The following CFAP57 variants were observed in gnomAD, a reference collection of about 807,000 sequenced individuals.
CFAP57 encodes the protein cilia- and flagella-associated protein 57.
Under a neutral mutation model 146.8 loss-of-function variants are expected in CFAP57, and 116 were observed. That is an observed-to-expected ratio of 0.79 (90% CI 0.68 to 0.92). CFAP57 has a LOEUF of 0.92. CFAP57 is among the 40% of genes least tolerant of loss of function. CFAP57 has a pLI of 0.00. For missense variants in CFAP57, 1,377 were observed against 1,527.2 expected, an observed-to-expected ratio of 0.90 and a Z score of 1.64; for synonymous variants, 518 against 552.8, an observed-to-expected ratio of 0.94 and a Z score of 0.88.
At chr1:43,189,376 A>G (rs1267051664) in intron 6 of CFAP57, among the ~76,000 whole-genome samples, 3 of 152,338 alleles carry the variant, frequency 2.0e-5, no homozygotes, top group Non-Finnish European at 2.9e-5. Context: ...ATTCTTGAGC[A>G]TGAGATATTT....
intron 2 of CFAP57, among the ~76,000 whole-genome samples, chr1:43,174,277 C>T (rs1645086939): frequency 6.6e-6 from 1 of 152,064 alleles, no homozygotes; most frequent in African/African-American, 2.4e-5. Flanking sequence ...TTAATAAAGT[C>T]AAATTTATCA....
intron 6 of CFAP57, among the ~76,000 whole-genome samples, chr1:43,189,745 T>C (rs374619267): frequency 6.8e-4 from 103 of 152,308 alleles, no homozygotes; most frequent in African/African-American, 2.4e-3. Context: ...GGAAGCATGG[T>C]GCTGGCATCT....
intron 11 of CFAP57, chr1:43,211,492 T>G (rs1482088953): frequency 6.7e-6 from 1 of 149,662 alleles, no homozygotes; most frequent in Non-Finnish European, 1.5e-5. Flanking sequence ...GGAGAATCGC[T>G]TGAACCTGGG....
chr1:43,203,171 TCAAAA>T lies in CFAP57; in HGVS notation c.1543-3525_1543-3521del, dbSNP rs142683756. Among the ~76,000 whole-genome samples, 299 of 151,588 alleles carry T rather than the reference TCAAAA, an allele frequency of 2.0e-3. 2 individuals are homozygous for T. Among genetic ancestry groups the T allele is most frequent in the African/African-American group, 5.3e-3 (218 of 41,162 alleles). On this transcript the variant is annotated intron_variant, in intron 9 of 22. Transcript: ENST00000372492. ...CTGGGCAGCAGAGTGAGACTCTGCCTCAAAACAAAACAAAACAAAACAAAACAAGA... is the reference window on the plus strand; with the variant it reads ...CTGGGCAGCAGAGTGAGACTCTGCCTCAAAACAAAACAAAACAAAACAAGA...
chr1:43,228,830 C>T (rs1229356768), intron 18 of CFAP57, among the ~76,000 whole-genome samples: 1 of 149,166 alleles, frequency 6.7e-6, no homozygotes, highest in African/African-American at 2.5e-5. Context: ...AAGACCAAGG[C>T]TCCAGCAGAT....
intron 9 of CFAP57, among the ~76,000 whole-genome samples, chr1:43,202,411 T>A (rs372368133): frequency 6.7e-4 from 102 of 151,716 alleles, no homozygotes; most frequent in African/African-American, 2.3e-3. Flanking sequence ...GAAGAAAAAA[T>A]TAAGAGTGTG....
chr1:43,243,266 AG>A lies in CFAP57; in HGVS notation c.3448del (p.Glu1150SerfsTer2). ...GATCAAGGAAATTAATGAGCTCCGC[AG>A]GGAGCTGAAGTTCACTCGGTCCCAA... ...SLIKEINELR[R>X]ELKFTRSQVY... On this transcript the variant is annotated frameshift_variant, in exon 22 of 23. Transcript: ENST00000372492. LOFTEE classifies it high-confidence loss of function. The A allele has an allele frequency of 6.5e-7, 1 of 1,550,194 alleles. No individual in the cohort carries two copies.
At chr1:43,198,789 A>C in intron 8 of CFAP57, 143 bp downstream of exon 8, 1 of 833,486 alleles carries the variant, frequency 1.2e-6, no homozygotes, top group Non-Finnish European at 2.0e-6. Flanking sequence ...GGAAGGAGGA[A>C]ATCCAGTTAT....
chr1:43,197,051 GT>G (rs1266197419), intron 6 of CFAP57, among the ~76,000 whole-genome samples: 4 of 152,176 alleles, frequency 2.6e-5, no homozygotes, highest in African/African-American at 9.7e-5. Flanking sequence ...TTAAAATAAT[GT>G]TTAAAAATAA....
chr1:43,183,023 A>G (rs1489320316), intron 3 of CFAP57, among the ~76,000 whole-genome samples: 1 of 152,252 alleles, frequency 6.6e-6, no homozygotes, highest in Admixed American at 6.5e-5. Context: ...CAGCCGCTCA[A>G]TCACTAGGGT....
intron 14 of CFAP57, 84 bp from the exon 15 acceptor site, chr1:43,222,021 G>T: frequency 8.0e-7 from 1 of 1,244,644 alleles, no homozygotes; most frequent in Non-Finnish European, 1.1e-6. Flanking sequence ...TGCTGGAAGG[G>T]ATGGGAGAGC....
At chr1:43,181,233 G>A (rs1352698864) in intron 2 of CFAP57, among the ~76,000 whole-genome samples, 5 of 152,010 alleles carry the variant, frequency 3.3e-5, no homozygotes, top group East Asian at 1.9e-4. Context: ...CACCACACCC[G>A]GCTAATTTTT....
At chr1:43,172,970 A>G in intron 2 of CFAP57, 60 bp downstream of exon 2, 1 of 1,457,368 alleles carries the variant, frequency 6.9e-7, no homozygotes, top group Non-Finnish European at 9.6e-7. Context: ...TAACCCCATA[A>G]TCCCAGCATG....
intron 2 of CFAP57, among the ~76,000 whole-genome samples, chr1:43,179,803 CCTTT>C (rs533454537): frequency 2.0e-5 from 3 of 152,098 alleles, no homozygotes; most frequent in Non-Finnish European, 4.4e-5. Context: ...TTTATCTTTT[CCTTT>C]CTTCTCCCTC....
intron 11 of CFAP57, among the ~76,000 whole-genome samples, chr1:43,212,885 G>A (rs1390524199): frequency 6.8e-6 from 1 of 148,022 alleles, no homozygotes; most frequent in African/African-American, 2.5e-5. Flanking sequence ...AGTGAGCTGG[G>A]AGATCGTGCC....
In CFAP57 at chr1:43,201,905, G is replaced by A. The variant is rs1374039909; in HGVS notation, c.1542+2402G>A. Among the ~76,000 whole-genome samples the A allele has an allele frequency of 6.6e-6, 1 of 152,158 alleles. No homozygotes were observed. The highest frequency in any genetic ancestry group is 2.4e-5 in the African/African-American group (1 of 41,438). On this transcript the variant is annotated intron_variant, in intron 9 of 22. Coordinates refer to ENST00000372492, the MANE Select transcript of CFAP57 (RefSeq NM_001378189.1). The surrounding 1 kb of genome is among the most constrained non-coding windows in gnomAD (Gnocchi z 4.4). The stretch of plus-strand genomic sequence containing the variant: ...CCTGGGATTACAGGCGTGAGCCACC[G>A]CGCCTGGCCCACGGACATTATTAAT...
chr1:43,197,606 C>T lies in CFAP57; in HGVS notation c.1176C>T (p.Ile392=), dbSNP rs117105091. The T allele has an allele frequency of 3.1e-4, 508 of 1,614,138 alleles. 4 individuals carry two copies. In the East Asian group the frequency reaches 0.011, roughly 35 times the overall value. Residue 392 remains isoleucine, a synonymous_variant, in exon 7 of 23, where the codon ATC becomes ATT. Coordinates refer to ENST00000372492, the MANE Select transcript of CFAP57 (RefSeq NM_001378189.1). ...TGTATCCATTGCACTCAGCACCCATCACCGGTCTAGCTACCTGCATCCGCA... is the reference window on the plus strand; with the variant it reads ...TGTATCCATTGCACTCAGCACCCATTACCGGTCTAGCTACCTGCATCCGCA... ...YLMYPLHSAP[I]TGLATCIRKP... is the part of the protein sequence containing the mutation.
At chr1:43,217,163 G>A (rs1393535630) in intron 12 of CFAP57, among the ~76,000 whole-genome samples, 1 of 152,214 alleles carries the variant, frequency 6.6e-6, no homozygotes, top group African/African-American at 2.4e-5. Flanking sequence ...GTTAGGTTGT[G>A]CCAGAGAGAA....
chr1:43,215,716 T>C (rs927384715), intron 12 of CFAP57, among the ~76,000 whole-genome samples: 1 of 152,238 alleles, frequency 6.6e-6, no homozygotes, highest in African/African-American at 2.4e-5. Context: ...AAACATACAG[T>C]TCTCTTATGA....
Sources: gnomAD v4.1 joint callset for allele counts (sites outside exome capture counted in the v4.1 genomes callset) on GRCh38, gnomAD v4.1.1 for gene constraint, Gnocchi (gnomAD v3.1) non-coding constraint, MANE v1.5 for transcripts, NCBI Gene and HGNC (gene_info 2026-07-23, HGNC 2026-07-21) for gene names.